Variants in NGF observed in about 807,000 individuals in gnomAD.
The protein encoded by NGF is nerve growth factor, also known as beta-nerve growth factor.
In NGF, 4 loss-of-function variants were observed where a neutral mutation model predicts 12.8. The ratio of observed to expected loss-of-function variants is 0.31; its 90% CI spans 0.15 to 0.72. NGF has a LOEUF of 0.72. NGF is among the 30% of genes least tolerant of loss of function. The pLI, the probability that NGF is intolerant of heterozygous loss-of-function variation, is 0.69. For synonymous variants in NGF, 140 were observed against 130.0 expected, an observed-to-expected ratio of 1.08 and a Z score of -0.52; for missense variants, 283 against 330.8, an observed-to-expected ratio of 0.86 and a Z score of 1.12.
intron 1 of NGF, among the ~76,000 whole-genome samples, chr1:115,334,033 C>T (rs1655037597): frequency 6.6e-6 from 1 of 151,976 alleles, no homozygotes; most frequent in Admixed American, 6.6e-5. Flanking sequence ...ATTTTCTGTC[C>T]CCCAATGAGA....
At chr1:115,329,910 C>T (rs899330642) in intron 1 of NGF, among the ~76,000 whole-genome samples, 1 of 151,896 alleles carries the variant, frequency 6.6e-6, no homozygotes, top group Non-Finnish European at 1.5e-5. Flanking sequence ...GTCACCATGC[C>T]TGGCTAATTT....
intron 1 of NGF, among the ~76,000 whole-genome samples, chr1:115,326,841 A>G (rs1255667899): frequency 6.6e-6 from 1 of 152,160 alleles, no homozygotes; most frequent in East Asian, 1.9e-4. Flanking sequence ...TTCTGTGTCT[A>G]CAACCAAGAT....
chr1:115,302,701 A>G (rs912216381), intron 1 of NGF, among the ~76,000 whole-genome samples: 2 of 152,182 alleles, frequency 1.3e-5, no homozygotes, highest in Non-Finnish European at 2.9e-5. Context: ...TGTCTGGTCT[A>G]GAGAGTGTCG....
chr1:115,317,915 T>G (rs1654513895), intron 1 of NGF, among the ~76,000 whole-genome samples: 1 of 152,172 alleles, frequency 6.6e-6, no homozygotes, highest in Non-Finnish European at 1.5e-5. Context: ...CATTCCTTCA[T>G]CTTCAGACCA....
Position 115,335,183 on chromosome 1 carries a change from C to T in NGF, c.-137+3021G>A, listed in dbSNP as rs577487478. 1.5e-3 allele frequency among the ~76,000 whole-genome samples: 233 copies of T among 152,292 alleles called. 1 individual carries two copies. Among genetic ancestry groups the T allele is most frequent in the Non-Finnish European group, 2.8e-3 (191 of 68,030 alleles). Reference sequence around the variant, plus strand: ...TTTGTGGCTGAAGGTTTATTCTCCTCGGCTCAAATAGTGACGTTTCTATGC... The same window carrying T: ...TTTGTGGCTGAAGGTTTATTCTCCTTGGCTCAAATAGTGACGTTTCTATGC... On this transcript the variant is annotated intron_variant, in intron 1 of 2. Coordinates refer to ENST00000369512, the MANE Select transcript of NGF (RefSeq NM_002506.3).
intron 1 of NGF, among the ~76,000 whole-genome samples, chr1:115,308,742 G>C (rs957297821): frequency 6.6e-6 from 1 of 152,164 alleles, no homozygotes; most frequent in Non-Finnish European, 1.5e-5. Flanking sequence ...AGAAAGGAAA[G>C]AAGGGAGGAA....
At chr1:115,325,947 A>G (rs137950018) in intron 1 of NGF, among the ~76,000 whole-genome samples, 15 of 152,176 alleles carry the variant, frequency 9.9e-5, no homozygotes, top group Non-Finnish European at 1.8e-4. Flanking sequence ...GTTAAAAAAA[A>G]TTCTAAATTT....
At chr1:115,287,288 G>A (rs1392713395) in intron 2 of NGF, among the ~76,000 whole-genome samples, 1 of 152,140 alleles carries the variant, frequency 6.6e-6, no homozygotes, top group Non-Finnish European at 1.5e-5. Flanking sequence ...AGATCTGCTG[G>A]GGACATGTCT....
intron 1 of NGF, among the ~76,000 whole-genome samples, chr1:115,314,502 A>C (rs950492145): frequency 6.6e-6 from 1 of 152,222 alleles, no homozygotes; most frequent in Non-Finnish European, 1.5e-5. Flanking sequence ...TTAAGTCACA[A>C]AATCTGTGGC....
chr1:115,314,922 G>A (rs1654434929), intron 1 of NGF, among the ~76,000 whole-genome samples: 1 of 152,190 alleles, frequency 6.6e-6, no homozygotes, highest in South Asian at 2.1e-4. Context: ...TGAGGCGCTA[G>A]TTTGGTCAGG....
intron 1 of NGF, among the ~76,000 whole-genome samples, chr1:115,301,063 A>G (rs1292430570): frequency 1.3e-5 from 2 of 152,194 alleles, no homozygotes; most frequent in Non-Finnish European, 2.9e-5. Context: ...CTTGGTTCTC[A>G]TATAATTATA....
intron 1 of NGF, among the ~76,000 whole-genome samples, chr1:115,332,259 A>T (rs926402273): frequency 6.6e-6 from 1 of 152,234 alleles, no homozygotes; most frequent in Non-Finnish European, 1.5e-5. Context: ...TTTGCCTCTG[A>T]AAGAAAATTA....
chr1:115,289,309 C>T (rs910862415), intron 2 of NGF, among the ~76,000 whole-genome samples: 2 of 152,176 alleles, frequency 1.3e-5, no homozygotes, highest in Admixed American at 1.3e-4. Flanking sequence ...TCCCTTATAT[C>T]CAAATTAGTA....
chr1:115,333,713 CTTTTCTTT>C (rs1557949342), intron 1 of NGF, among the ~76,000 whole-genome samples: 1 of 44,504 alleles, frequency 2.2e-5, no homozygotes, highest in African/African-American at 2.1e-4. Flanking sequence ...TTCTTTCTTT[CTTTTCTTT>C]CTTTCCTTCT....
chr1:115,337,102 T>C (rs1006588794), intron 1 of NGF, among the ~76,000 whole-genome samples: 1 of 152,004 alleles, frequency 6.6e-6, no homozygotes, highest in Non-Finnish European at 1.5e-5. Flanking sequence ...CATGAAACAC[T>C]CATAAATTAT....
At chr1:115,308,150 C>T (rs1654249761) in intron 1 of NGF, among the ~76,000 whole-genome samples, 1 of 152,224 alleles carries the variant, frequency 6.6e-6, no homozygotes, top group South Asian at 2.1e-4. Flanking sequence ...CATTGCTTTA[C>T]CAGGTACCAT....
chr1:115,334,078 AC>A (rs1257430917), intron 1 of NGF, among the ~76,000 whole-genome samples: 3 of 152,160 alleles, frequency 2.0e-5, no homozygotes, highest in Non-Finnish European at 4.4e-5. Flanking sequence ...GAGCTATTCT[AC>A]TTGAGAATAA....
At chr1:115,327,301 TG>T (rs1390610143) in intron 1 of NGF, among the ~76,000 whole-genome samples, 2 of 152,232 alleles carry the variant, frequency 1.3e-5, no homozygotes, top group Non-Finnish European at 2.9e-5. Context: ...AACATATTTG[TG>T]TTGCTTTATG....
intron 1 of NGF, among the ~76,000 whole-genome samples, chr1:115,334,079 C>T (rs1321482932): frequency 6.6e-6 from 1 of 152,164 alleles, no homozygotes; most frequent in Non-Finnish European, 1.5e-5. Flanking sequence ...AGCTATTCTA[C>T]TTGAGAATAA....
Sources: allele counts gnomAD v4.1 joint callset (sites outside exome capture counted in the v4.1 genomes callset), GRCh38; gene constraint gnomAD v4.1.1; transcripts MANE v1.5; gene names NCBI Gene and HGNC (gene_info 2026-07-23, HGNC 2026-07-21).